NUP210: variants seen among roughly 807,000 people sequenced by gnomAD.
The protein encoded by NUP210 is nucleoporin 210.
NUP210 carries 151 observed loss-of-function variants against 196.0 expected under a neutral mutation model. That is an observed-to-expected ratio of 0.77 (90% CI 0.67 to 0.88). The LOEUF (loss-of-function observed/expected upper bound fraction) is 0.88. Ranked by LOEUF, NUP210 falls within the 40% of genes least tolerant of loss-of-function variation. NUP210 has a pLI of 0.00. For missense variants in NUP210, 2,314 were observed against 2,493.7 expected (o/e 0.93, Z 1.53); for synonymous variants, 1,070 against 1,052.7 (o/e 1.02, Z -0.32).
At chr3:13,351,752 C>T (rs1697980663) in intron 20 of NUP210, 127 bp downstream of exon 20, 2 of 663,004 alleles carry the variant, frequency 3.0e-6, no homozygotes, top group African/African-American at 3.6e-5. Context: ...CCTGCCTTGA[C>T]CTCCCAAAGT....
At chr3:13,346,162 C>T (rs1045497499) in intron 20 of NUP210, among the ~76,000 whole-genome samples, 4 of 152,220 alleles carry the variant, frequency 2.6e-5, no homozygotes, top group Non-Finnish European at 5.9e-5. Context: ...CTGGAGCCCT[C>T]GAAGCGTGGC....
intron 30 of NUP210, among the ~76,000 whole-genome samples, chr3:13,329,164 T>C (rs1696895726): frequency 6.6e-6 from 1 of 152,164 alleles, no homozygotes; most frequent in South Asian, 2.1e-4. Flanking sequence ...CAGACTGGCC[T>C]CTCTATGAGA....
rs181895825 is a variant in NUP210, at chr3:13,320,359, C to T, written c.5167-380G>A. 2.7e-3 allele frequency among the ~76,000 whole-genome samples: 418 copies of T among 152,266 alleles called. 3 individuals carry two copies. Among genetic ancestry groups the T allele is most frequent in the African/African-American group, 9.8e-3 (408 of 41,552 alleles). On this transcript the variant is annotated intron_variant, in intron 36 of 39. Coordinates refer to ENST00000254508, the MANE Select transcript of NUP210 (RefSeq NM_024923.4). ...TACAAAAAGGCTAAACCAGGCTGGG[C>T]GCGGTTGCTCACGCCTGTAATCTCA...
intron 14 of NUP210, among the ~76,000 whole-genome samples, chr3:13,365,366 G>A (rs992497891): frequency 1.3e-5 from 2 of 152,190 alleles, no homozygotes; most frequent in Admixed American, 6.5e-5. Context: ...GAGTGGGTGG[G>A]GGTCAGGCTG....
chr3:13,319,296 C>G lies in NUP210; in HGVS notation c.5413G>C (p.Asp1805His), dbSNP rs1373458769. ...YGASLFQHFLDSYQVMFFTLF... is the reference protein window; with the variant it reads ...YGASLFQHFLHSYQVMFFTLF... Reference sequence around the variant, plus strand: ...GTGAAGAACATGACCTGGTAGGAATCCAGGAAGTGCTGGAAGAGGCTGGCT... The same window carrying G: ...GTGAAGAACATGACCTGGTAGGAATGCAGGAAGTGCTGGAAGAGGCTGGCT... The change falls in exon 38 of 40, where the codon GAT (aspartate) becomes CAT (histidine). Residue 1805 changes from aspartate to histidine, a missense_variant. Transcript: ENST00000254508. 6.8e-6 allele frequency: 11 copies of G among 1,612,138 alleles called. No homozygotes were observed. The highest frequency in any genetic ancestry group is 2.7e-5 in the African/African-American group (2 of 74,908).
At chr3:13,321,452 TA>T in intron 36 of NUP210, 132 bp downstream of exon 36, 1 of 979,430 alleles carries the variant, frequency 1.0e-6, no homozygotes, top group Non-Finnish European at 1.5e-6. Flanking sequence ...TACTTCAATT[TA>T]AAAATTCTAA....
At chr3:13,369,057 C>T (rs928276091) in intron 13 of NUP210, among the ~76,000 whole-genome samples, 4 of 152,222 alleles carry the variant, frequency 2.6e-5, no homozygotes, top group African/African-American at 9.7e-5. Flanking sequence ...ACCAGCAGCA[C>T]ATAAGAGTTC....
intron 4 of NUP210, among the ~76,000 whole-genome samples, chr3:13,390,607 C>A (rs1359012193): frequency 6.6e-6 from 1 of 152,212 alleles, no homozygotes; most frequent in Non-Finnish European, 1.5e-5. Context: ...TGCAGATCCA[C>A]GGATCTGAGT....
chr3:13,352,059 G>C, intron 19 of NUP210, 21 bp downstream of exon 19: 3 of 1,605,154 alleles, frequency 1.9e-6, no homozygotes, highest in Non-Finnish European at 2.6e-6. Context: ...GCCCAGGAAG[G>C]TGGCAGGGCA....
chr3:13,400,791 C>T (rs994176071), intron 1 of NUP210, among the ~76,000 whole-genome samples: 1 of 152,140 alleles, frequency 6.6e-6, no homozygotes, highest in African/African-American at 2.4e-5. Context: ...CAGGAGGGGC[C>T]ACTAAGCCGT....
chr3:13,359,834 T>TA (rs1381507812), intron 15 of NUP210, among the ~76,000 whole-genome samples: 1 of 152,182 alleles, frequency 6.6e-6, no homozygotes, highest in East Asian at 1.9e-4. Flanking sequence ...TTAAAAAACT[T>TA]AAGAGATTAC....
intron 15 of NUP210, among the ~76,000 whole-genome samples, chr3:13,359,274 G>A (rs1277984131): frequency 6.6e-6 from 1 of 152,222 alleles, no homozygotes; most frequent in Non-Finnish European, 1.5e-5. Context: ...AGAGGGGACA[G>A]GGATGGTGGG....
intron 1 of NUP210, among the ~76,000 whole-genome samples, chr3:13,418,819 C>G (rs1351066963): frequency 6.6e-6 from 1 of 151,240 alleles, no homozygotes; most frequent in African/African-American, 2.4e-5. Context: ...ACAAAATTAG[C>G]CAGGTGGCCT....
intron 5 of NUP210, among the ~76,000 whole-genome samples, 176 bp from the exon 6 acceptor site, chr3:13,386,583 T>C (rs1448983335): frequency 2.0e-5 from 3 of 152,104 alleles, no homozygotes; most frequent in Admixed American, 6.5e-5. Flanking sequence ...GGGAGCTCCA[T>C]AAGTATAGCA....
rs1451820692 is a variant in NUP210 at position 13,340,767 on chromosome 3, T to C, written c.3229-469A>G. ...ATGGGAGCACCCAGACCCCCAGAGGTTGCTCTTCTAGCACACCCTCCGGAT... is the reference window on the plus strand; with the variant it reads ...ATGGGAGCACCCAGACCCCCAGAGGCTGCTCTTCTAGCACACCCTCCGGAT... On this transcript the variant is annotated intron_variant, in intron 23 of 39. Transcript: ENST00000254508. This position sits in a 1 kb window ranked among gnomAD's most constrained non-coding sequence, Gnocchi z 4.0. 6.6e-6 allele frequency among the ~76,000 whole-genome samples: 1 copy of C among 151,760 alleles called. No homozygotes were observed. Among genetic ancestry groups the C allele is most frequent in the Non-Finnish European group, 1.5e-5 (1 of 67,928 alleles).
At chr3:13,397,634 C>T (rs1439473555) in intron 2 of NUP210, 146 bp from the exon 3 acceptor site, 5 of 764,386 alleles carry the variant, frequency 6.5e-6, no homozygotes, top group South Asian at 2.6e-5. Flanking sequence ...TCACACATGG[C>T]CCCACTGACA....
At chr3:13,399,533 G>A (rs939912621) in intron 2 of NUP210, among the ~76,000 whole-genome samples, 192 bp downstream of exon 2, 6 of 152,128 alleles carry the variant, frequency 3.9e-5, no homozygotes, top group Admixed American at 3.3e-4. Flanking sequence ...AAGGGAACAC[G>A]GTACGAAGTG....
rs543067003 is a variant in NUP210, at chr3:13,400,431, A to G, written c.168-570T>C. On this transcript the variant is annotated intron_variant, in intron 1 of 39. Coordinates refer to ENST00000254508, the MANE Select transcript of NUP210 (RefSeq NM_024923.4). Reference sequence around the variant, plus strand: ...AGCCACAGTGGGGAGACAGACAGATAAACACATCCACAAATGAGCCCAGAC... The same window carrying G: ...AGCCACAGTGGGGAGACAGACAGATGAACACATCCACAAATGAGCCCAGAC... Among the ~76,000 whole-genome samples, 3 of 152,324 alleles carry G rather than the reference A, an allele frequency of 2.0e-5. No individual in the cohort carries two copies. The East Asian group carries it at 5.8e-4, about 29-fold the overall frequency.
At position 13,349,461 on chromosome 3, in the gene NUP210, G is replaced by A. The variant is rs568590746; in HGVS notation, c.2835+2418C>T. Among the ~76,000 whole-genome samples the A allele has an allele frequency of 7.9e-5, 12 of 152,314 alleles. No homozygotes were observed. In the East Asian group the frequency reaches 9.6e-4, roughly 12 times the overall value. On this transcript the variant is annotated intron_variant, in intron 20 of 39. Coordinates refer to ENST00000254508, the MANE Select transcript of NUP210 (RefSeq NM_024923.4). ...AGGCTCTGCCTTGGGTGCGGCACCCGTGAGAATACTGGGGCCCGGCTGCCC... is the reference window on the plus strand; with the variant it reads ...AGGCTCTGCCTTGGGTGCGGCACCCATGAGAATACTGGGGCCCGGCTGCCC...
Sources: gnomAD v4.1 joint callset for allele counts (sites outside exome capture counted in the v4.1 genomes callset) on GRCh38, gnomAD v4.1.1 for gene constraint, Gnocchi (gnomAD v3.1) non-coding constraint, MANE v1.5 for transcripts, NCBI Gene and HGNC (gene_info 2026-07-23, HGNC 2026-07-21) for gene names.